SUMF1: variants seen among roughly 807,000 people sequenced by gnomAD.
SUMF1 encodes the protein sulfatase modifying factor 1.
Under a neutral mutation model 47.6 loss-of-function variants are expected in SUMF1, and 48 were observed. That is an observed-to-expected ratio of 1.01 (90% CI 0.80 to 1.28). The LOEUF (loss-of-function observed/expected upper bound fraction) is 1.28, where lower values mean the gene tolerates loss of function less well. Ranked by LOEUF, SUMF1 falls within the 50% of genes most tolerant of loss-of-function variation. SUMF1 has a pLI of 0.00. For missense variants in SUMF1, 571 were observed against 485.4 expected (o/e 1.18, Z -1.66); for synonymous variants, 230 against 192.1 (o/e 1.20, Z -1.63).
At chr3:4,216,723 C>T (rs1330473702) in intron 8 of SUMF1, among the ~76,000 whole-genome samples, 1 of 152,130 alleles carries the variant, frequency 6.6e-6, no homozygotes, top group Non-Finnish European at 1.5e-5. Flanking sequence ...AAGCAATTCT[C>T]AAAAGAAGAC....
intron 8 of SUMF1, among the ~76,000 whole-genome samples, chr3:4,132,332 T>G (rs1693811842): frequency 6.6e-6 from 1 of 152,074 alleles, no homozygotes; most frequent in South Asian, 2.1e-4. Flanking sequence ...CCTATCATGT[T>G]CCCCATCATT....
At chr3:4,428,120 T>C (rs907991664) in intron 3 of SUMF1, among the ~76,000 whole-genome samples, 3 of 152,214 alleles carry the variant, frequency 2.0e-5, no homozygotes, top group East Asian at 1.9e-4. Context: ...ATCATAGTCA[T>C]TAAAAATTAT....
chr3:4,360,308 C>T (rs75802439), downstream of SUMF1, among the ~76,000 whole-genome samples: 1,373 of 146,552 alleles, frequency 9.4e-3, 16 homozygotes, highest in African/African-American at 0.033. Context: ...GCTAAACGTG[C>T]CAGCTACATG....
intron 9 of SUMF1, among the ~76,000 whole-genome samples, chr3:4,048,833 G>T (rs928411823): frequency 2.6e-5 from 4 of 152,070 alleles, no homozygotes; most frequent in African/African-American, 9.7e-5. Flanking sequence ...TCTGAGGCAG[G>T]TTACCAACCT....
At chr3:4,235,505 A>G (rs1409736370) in intron 8 of SUMF1, among the ~76,000 whole-genome samples, 2 of 152,118 alleles carry the variant, frequency 1.3e-5, no homozygotes, top group East Asian at 1.9e-4. Context: ...TAGGATAACC[A>G]ATTAGTAAAT....
At chr3:4,191,354 T>G (rs1376495137) in intron 8 of SUMF1, among the ~76,000 whole-genome samples, 5 of 151,964 alleles carry the variant, frequency 3.3e-5, no homozygotes, top group African/African-American at 9.7e-5. Flanking sequence ...ACGAGGTGTG[T>G]TTAAGGAAGA....
intron 8 of SUMF1, among the ~76,000 whole-genome samples, chr3:4,237,553 C>T (rs1040906230): frequency 6.6e-6 from 1 of 151,970 alleles, no homozygotes; most frequent in African/African-American, 2.4e-5. Flanking sequence ...ATGTCTTTTG[C>T]AAATATTTTT....
chr3:4,153,282 G>A (rs1407305695), intron 8 of SUMF1, among the ~76,000 whole-genome samples: 1 of 151,432 alleles, frequency 6.6e-6, no homozygotes, highest in Non-Finnish European at 1.5e-5. Context: ...AGCAATCATA[G>A]CTCACTGCAG....
Position 4,281,718 on chromosome 3 carries a change from T to A in SUMF1, c.1014+94612A>T, listed in dbSNP as rs114724973. On this transcript the variant is annotated intron_variant and NMD_transcript_variant, in intron 8 of 12. Transcript: ENST00000448413. ...AAACAGGGGGAAAGGAAAATAAATA[T>A]ATGTATTTACATGAAACAATTGGAA... is the stretch of plus-strand genomic sequence containing the variant. Among the ~76,000 whole-genome samples, 1,037 of 152,122 alleles carry A rather than the reference T, an allele frequency of 6.8e-3. 13 individuals are homozygous for A. The highest frequency in any genetic ancestry group is 0.023 in the African/African-American group (971 of 41,502).
intron 9 of SUMF1, among the ~76,000 whole-genome samples, chr3:4,063,096 C>T (rs990759106): frequency 1.3e-5 from 2 of 151,968 alleles, no homozygotes; most frequent in South Asian, 2.1e-4. Context: ...TTACATATGC[C>T]AATGCGATCT....
rs563293092 is a variant in SUMF1, at chr3:4,467,225, C to G, written c.21G>C (p.Gly7=). MAAPAL[G]LVCGRCPELG... is the part of the protein sequence containing the mutation. ...GCTCAGGGCAACGTCCACACACCAG[C>G]CCTAGTGCGGGCGCAGCCATGTTGT... The change falls in exon 1 of 9, where the codon GGG becomes GGC. Residue 7 remains glycine, a synonymous_variant. Coordinates refer to ENST00000272902, the MANE Select transcript of SUMF1 (RefSeq NM_182760.4). 6.2e-7 allele frequency: 1 copy of G among 1,611,132 alleles called. No homozygotes were observed. Among genetic ancestry groups the G allele is most frequent in the Non-Finnish European group, 8.5e-7 (1 of 1,179,060 alleles).
At chr3:4,065,151 G>A (rs1695347413) in intron 9 of SUMF1, among the ~76,000 whole-genome samples, 1 of 152,060 alleles carries the variant, frequency 6.6e-6, no homozygotes, top group South Asian at 2.1e-4. Context: ...ATCTCAGAAG[G>A]TACTGTGCAA....
chr3:4,244,019 T>G (rs1251972838), intron 8 of SUMF1, among the ~76,000 whole-genome samples: 4 of 152,214 alleles, frequency 2.6e-5, no homozygotes, highest in Admixed American at 2.0e-4. Context: ...GTAATGGCCT[T>G]CTTTATCTCT....
Position 4,304,008 on chromosome 3 carries a change from G to A in SUMF1, c.1014+72322C>T, listed in dbSNP as rs144670849. 1.4e-3 allele frequency: 553 copies of A among 390,772 alleles called. 9 individuals are homozygous for A. In the Admixed American group the frequency reaches 0.024, roughly 17 times the overall value. 24.2% of individuals were successfully genotyped at this position (390,772 alleles called of 1,614,324 possible). ...GTAAATTAGCTGTGGCTCAGCCTTA[G>A]AGTCTTCCAGCGTACAGTGGAACAG... On this transcript the variant is annotated intron_variant and NMD_transcript_variant, in intron 8 of 12. Coordinates refer to the SUMF1 transcript ENST00000448413.
rs116489836 is a variant in SUMF1, at chr3:4,409,394, T to A, written c.954+1471A>T. ...CATCCAGGATAAAGCCTGGGATTGG[T>A]GAAAAGAAAAATGTGAATTTTTCTG... is the stretch of plus-strand genomic sequence containing the variant. On this transcript the variant is annotated intron_variant, in intron 7 of 8. Coordinates refer to ENST00000272902, the MANE Select transcript of SUMF1 (RefSeq NM_182760.4). Among the ~76,000 whole-genome samples the A allele has an allele frequency of 6.5e-3, 984 of 152,226 alleles. 10 individuals are homozygous for A. The highest frequency in any genetic ancestry group is 0.022 in the African/African-American group (926 of 41,512).
At chr3:4,298,653 A>G (rs912061144) in intron 8 of SUMF1, among the ~76,000 whole-genome samples, 1 of 152,202 alleles carries the variant, frequency 6.6e-6, no homozygotes, top group Admixed American at 6.5e-5. Flanking sequence ...TACAATTTCT[A>G]TCACATTCTG....
intron 8 of SUMF1, among the ~76,000 whole-genome samples, chr3:4,118,070 C>T (rs975527696): frequency 5.3e-5 from 8 of 151,908 alleles, no homozygotes; most frequent in Non-Finnish European, 8.8e-5. Context: ...CATATCAGGG[C>T]GGATCTGGCA....
intron 8 of SUMF1, among the ~76,000 whole-genome samples, chr3:4,103,700 T>A (rs766557978): frequency 7.2e-5 from 11 of 152,088 alleles, no homozygotes; most frequent in Non-Finnish European, 1.6e-4. Context: ...ATGTATCAGG[T>A]CCTGTGCTAG....
At chr3:4,264,226 T>C (rs1456280849) in intron 8 of SUMF1, among the ~76,000 whole-genome samples, 1 of 152,138 alleles carries the variant, frequency 6.6e-6, no homozygotes, top group Non-Finnish European at 1.5e-5. Flanking sequence ...CCAGTTACGC[T>C]GAGTCAGCAT....
Sources: gnomAD v4.1 joint callset for allele counts (sites outside exome capture counted in the v4.1 genomes callset) on GRCh38, gnomAD v4.1.1 for gene constraint, MANE v1.5 for transcripts, NCBI Gene and HGNC (gene_info 2026-07-23, HGNC 2026-07-21) for gene names.